The following TMEM108 variants were observed in gnomAD, a reference collection of about 807,000 sequenced individuals.
TMEM108 encodes the protein transmembrane protein 108.
TMEM108 carries 12 observed loss-of-function variants against 35.1 expected under a neutral mutation model. The observed-to-expected ratio is 0.34, with a 90% confidence interval of 0.22 to 0.55. The LOEUF is 0.55. Ranked by LOEUF, TMEM108 falls within the 20% of genes least tolerant of loss-of-function variation. The probability of loss-of-function intolerance (pLI) is 0.89; values close to 1 mark genes in which losing one functional copy is unlikely to be tolerated. For missense variants in TMEM108, 680 were observed against 753.3 expected, an observed-to-expected ratio of 0.90 and a Z score of 1.14; for synonymous variants, 287 against 308.6, an observed-to-expected ratio of 0.93 and a Z score of 0.73.
intron 3 of TMEM108, among the ~76,000 whole-genome samples, chr3:133,345,612 G>A (rs1025607277): frequency 2.0e-5 from 3 of 151,710 alleles, no homozygotes; most frequent in African/African-American, 7.2e-5. Context: ...ATTATTCAAA[G>A]GAACATTATT....
intron 2 of TMEM108, among the ~76,000 whole-genome samples, chr3:133,056,265 T>C (rs1943464927): frequency 6.6e-6 from 1 of 152,204 alleles, no homozygotes; most frequent in Non-Finnish European, 1.5e-5. Flanking sequence ...TTACCCAAAC[T>C]GGTCCTTGGT....
At chr3:133,361,498 A>T (rs1437122960) in intron 3 of TMEM108, among the ~76,000 whole-genome samples, 1 of 152,254 alleles carries the variant, frequency 6.6e-6, no homozygotes, top group African/African-American at 2.4e-5. Flanking sequence ...TTAGCATCTT[A>T]AAATAATGAC....
intron 3 of TMEM108, among the ~76,000 whole-genome samples, chr3:133,250,823 G>A (rs1349566564): frequency 2.0e-5 from 3 of 152,012 alleles, no homozygotes; most frequent in Non-Finnish European, 4.4e-5. Flanking sequence ...TAACCATAGG[G>A]GTGATGGTGT....
At chr3:133,260,750 T>A (rs896297766) in intron 3 of TMEM108, among the ~76,000 whole-genome samples, 1 of 152,154 alleles carries the variant, frequency 6.6e-6, no homozygotes, top group African/African-American at 2.4e-5. Flanking sequence ...TGTAGGAGTT[T>A]AGGAGTGGAA....
intron 3 of TMEM108, among the ~76,000 whole-genome samples, chr3:133,250,769 T>C (rs1946457203): frequency 6.6e-6 from 1 of 152,228 alleles, no homozygotes; most frequent in African/African-American, 2.4e-5. Flanking sequence ...ATGGAAATAA[T>C]ACTGAGTAGC....
At chr3:133,293,617 T>G (rs558108411) in intron 3 of TMEM108, among the ~76,000 whole-genome samples, 1 of 152,138 alleles carries the variant, frequency 6.6e-6, no homozygotes, top group African/African-American at 2.4e-5. Context: ...TAGGACCCTT[T>G]ATTTTTAGTT....
chr3:133,322,931 C>T (rs535735564), intron 3 of TMEM108, among the ~76,000 whole-genome samples: 1 of 151,988 alleles, frequency 6.6e-6, no homozygotes, highest in Non-Finnish European at 1.5e-5. Context: ...TCTCAATAGA[C>T]ACAGAAAAGC....
chr3:133,337,820 G>C (rs2071541382), intron 3 of TMEM108, among the ~76,000 whole-genome samples: 1 of 152,040 alleles, frequency 6.6e-6, no homozygotes, highest in Non-Finnish European at 1.5e-5. Flanking sequence ...ACAGAGGAGG[G>C]ATTCAGAATT....
chr3:133,372,451 G>A (rs2072704194), intron 3 of TMEM108, among the ~76,000 whole-genome samples: 1 of 152,174 alleles, frequency 6.6e-6, no homozygotes, highest in Admixed American at 6.5e-5. Flanking sequence ...TACTCTGTGT[G>A]GGTGTGTGTT....
chr3:133,179,852 C>G (rs866448133), intron 2 of TMEM108, among the ~76,000 whole-genome samples: 1 of 148,110 alleles, frequency 6.8e-6, no homozygotes, highest in Non-Finnish European at 1.5e-5. Flanking sequence ...AAGACTAGAG[C>G]AAAATGTCTA....
chr3:133,345,946 C>A (rs1312981946), intron 3 of TMEM108, among the ~76,000 whole-genome samples: 2 of 151,916 alleles, frequency 1.3e-5, no homozygotes, highest in African/African-American at 4.8e-5. Context: ...GGATCTTCCA[C>A]GTCTTTTTGT....
chr3:133,276,746 A>G (rs910090379), intron 3 of TMEM108, among the ~76,000 whole-genome samples: 2 of 152,162 alleles, frequency 1.3e-5, no homozygotes, highest in Non-Finnish European at 2.9e-5. Flanking sequence ...AGAGGTGCCA[A>G]GAGGAAGTGC....
chr3:133,103,200 GCGGA>G (rs1199225040), intron 2 of TMEM108, among the ~76,000 whole-genome samples: 3 of 152,158 alleles, frequency 2.0e-5, no homozygotes, highest in Non-Finnish European at 4.4e-5. Flanking sequence ...CCCATCAGTG[GCGGA>G]CTGGATAAAG....
At chr3:133,109,733 G>A (rs1944203161) in intron 2 of TMEM108, among the ~76,000 whole-genome samples, 6 of 152,142 alleles carry the variant, frequency 3.9e-5, no homozygotes, top group African/African-American at 1.4e-4. Context: ...CATTGCATGC[G>A]TTGACAGTGA....
At chr3:133,054,724 T>C (rs935787709) in intron 2 of TMEM108, among the ~76,000 whole-genome samples, 2 of 152,216 alleles carry the variant, frequency 1.3e-5, no homozygotes, top group Admixed American at 6.5e-5. Flanking sequence ...TATGACTCTG[T>C]GTCAGGGTAA....
chr3:133,130,897 CT>C (rs1944481949), intron 2 of TMEM108, among the ~76,000 whole-genome samples: 1 of 152,192 alleles, frequency 6.6e-6, no homozygotes, highest in African/African-American at 2.4e-5. Context: ...ATAACTTATA[CT>C]TTTCAAGAAA....
intron 2 of TMEM108, among the ~76,000 whole-genome samples, chr3:133,201,970 T>G (rs1945675099): frequency 6.6e-6 from 1 of 152,218 alleles, no homozygotes; most frequent in African/African-American, 2.4e-5. Flanking sequence ...TGTTCTTTCC[T>G]GACTTTTTAA....
At chr3:133,171,729 A>G (rs1262361506) in intron 2 of TMEM108, among the ~76,000 whole-genome samples, 1 of 152,214 alleles carries the variant, frequency 6.6e-6, no homozygotes, top group Non-Finnish European at 1.5e-5. Context: ...AGGAAGAAAA[A>G]GAGCATAAAA....
chr3:133,373,102 C>T (rs1252124730), intron 3 of TMEM108, among the ~76,000 whole-genome samples: 1 of 152,288 alleles, frequency 6.6e-6, no homozygotes, highest in East Asian at 1.9e-4. Flanking sequence ...CACAGTGGCT[C>T]ACGCCTGTAA....
Sources: gnomAD v4.1 joint callset for allele counts (sites outside exome capture counted in the v4.1 genomes callset) on GRCh38, gnomAD v4.1.1 for gene constraint, MANE v1.5 for transcripts, NCBI Gene and HGNC (gene_info 2026-07-23, HGNC 2026-07-21) for gene names.